Variants in FAR1 observed in about 807,000 individuals in gnomAD.
The protein encoded by FAR1 is male sterility domain-containing protein 2.
A neutral mutation model predicts 61.1 loss-of-function variants in FAR1; 22 were observed. The ratio of observed to expected loss-of-function variants is 0.36; its 90% CI spans 0.26 to 0.51. The LOEUF is 0.51. Ranked by LOEUF, FAR1 falls within the 20% of genes least tolerant of loss-of-function variation. The pLI is 0.95. For missense variants in FAR1, 359 were observed against 626.9 expected (o/e 0.57, Z 4.56); for synonymous variants, 206 against 209.7 (o/e 0.98, Z 0.15).
At chr11:13,726,412 T>C (rs533107922) in intron 10 of FAR1, among the ~76,000 whole-genome samples, 2 of 152,124 alleles carry the variant, frequency 1.3e-5, no homozygotes, top group Non-Finnish European at 2.9e-5. Flanking sequence ...TCTGGAAATA[T>C]CTTTATTTCA....
chr11:13,707,000 A>G (rs1848439405), intron 3 of FAR1, among the ~76,000 whole-genome samples: 2 of 152,162 alleles, frequency 1.3e-5, no homozygotes, highest in Non-Finnish European at 2.9e-5. Context: ...CCTTGTTTTT[A>G]ATCCTGCTTC....
chr11:13,698,377 A>T (rs1289386215), intron 2 of FAR1, among the ~76,000 whole-genome samples: 1 of 152,204 alleles, frequency 6.6e-6, no homozygotes, highest in Non-Finnish European at 1.5e-5. Flanking sequence ...AGCCAAAATG[A>T]CTACATCCTG....
At chr11:13,702,916 T>A (rs1848392412) in intron 3 of FAR1, among the ~76,000 whole-genome samples, 1 of 152,240 alleles carries the variant, frequency 6.6e-6, no homozygotes, top group Non-Finnish European at 1.5e-5. Context: ...AAAGGACATC[T>A]TCTCGTTATT....
chr11:13,718,836 G>C (rs1303173775), intron 9 of FAR1, among the ~76,000 whole-genome samples: 1 of 152,086 alleles, frequency 6.6e-6, no homozygotes, highest in East Asian at 1.9e-4. Context: ...GGGGGGAAGG[G>C]GACAGAGTAG....
chr11:13,686,360 ACTT>A (rs1396299581), intron 1 of FAR1, among the ~76,000 whole-genome samples: 8 of 152,074 alleles, frequency 5.3e-5, no homozygotes, highest in Admixed American at 6.6e-5. Flanking sequence ...CGCATACCCC[ACTT>A]CTTATATATT....
At chr11:13,690,450 A>G (rs1431348203) in intron 1 of FAR1, among the ~76,000 whole-genome samples, 1 of 152,196 alleles carries the variant, frequency 6.6e-6, no homozygotes, top group Non-Finnish European at 1.5e-5. Flanking sequence ...TGACTGCATG[A>G]AAGTCATGGA....
At position 13,698,550 on chromosome 11, in the gene FAR1, G is replaced by A. The variant is rs574926992; in HGVS notation, c.190-1767G>A. ...TCTCTGCTTAAAATCTGTCAATAGC[G>A]ACCGGGCTGGTGGCTCACGCCTATA... On this transcript the variant is annotated intron_variant, in intron 2 of 11. Transcript: ENST00000354817. Among the ~76,000 whole-genome samples, 7 of 152,244 alleles carry A rather than the reference G, an allele frequency of 4.6e-5. No individual in the cohort carries two copies. In the East Asian group the frequency reaches 1.2e-3, roughly 25 times the overall value.
chr11:13,678,308 A>G (rs915786949), intron 1 of FAR1, among the ~76,000 whole-genome samples: 18 of 152,160 alleles, frequency 1.2e-4, no homozygotes, highest in Admixed American at 6.6e-5. Flanking sequence ...TGTGTCGCCC[A>G]GGAGGGAGTG....
At position 13,730,030 on chromosome 11, in the gene FAR1, C is replaced by T. The variant is rs899032584; in HGVS notation, c.*1256C>T. ...AAAATTGATGTATATTTTAATGATA[C>T]ATTAAAATTCCCTTTTAATCATAAT... is the stretch of plus-strand genomic sequence containing the variant. On this transcript the variant is annotated 3_prime_UTR_variant, in exon 12 of 12. Coordinates refer to ENST00000354817, the MANE Select transcript of FAR1 (RefSeq NM_032228.6). 6.6e-6 allele frequency: 1 copy of T among 152,346 alleles called. No individual in the cohort carries two copies. The highest frequency in any genetic ancestry group is 2.4e-5 in the African/African-American group (1 of 41,426). The allele number at this position is 152,346 out of a possible 1,614,324, so 9.4% of individuals were successfully genotyped here. A position where few individuals can be genotyped will look rare whatever the true frequency, so the allele number is the denominator to read the frequency against.
At chr11:13,708,445 G>GCACACACACACA (rs1208535632) in intron 4 of FAR1, among the ~76,000 whole-genome samples, 3 of 81,194 alleles carry the variant, frequency 3.7e-5, no homozygotes, top group African/African-American at 8.5e-5. Flanking sequence ...GCGCGCGCGC[G>GCACACACACACA]CGCACACACA....
At chr11:13,675,053 CTTT>C (rs10649288) in intron 1 of FAR1, among the ~76,000 whole-genome samples, 5 of 144,166 alleles carry the variant, frequency 3.5e-5, no homozygotes, top group South Asian at 2.2e-4. Context: ...AATCCCTAGA[CTTT>C]TTTTTTTTTT....
chr11:13,692,767 ATAT>A (rs1848264483), intron 1 of FAR1, among the ~76,000 whole-genome samples: 1 of 152,034 alleles, frequency 6.6e-6, no homozygotes, highest in Non-Finnish European at 1.5e-5. Flanking sequence ...AAATGCTTTC[ATAT>A]TATTTGTTTC....
At chr11:13,691,004 T>G (rs898800247) in intron 1 of FAR1, among the ~76,000 whole-genome samples, 1 of 152,234 alleles carries the variant, frequency 6.6e-6, no homozygotes, top group African/African-American at 2.4e-5. Context: ...AAATAACCAT[T>G]TGTGTCTGTT....
intron 9 of FAR1, among the ~76,000 whole-genome samples, chr11:13,719,487 T>C (rs970507578): frequency 1.3e-5 from 2 of 152,248 alleles, no homozygotes; most frequent in African/African-American, 4.8e-5. Context: ...ATGTCAGTCA[T>C]GTCATTCATT....
rs1292673794 is a variant in FAR1 at position 13,729,305 on chromosome 11, G to A, written c.*531G>A. 3.9e-5 allele frequency: 6 copies of A among 151,952 alleles called. No homozygotes were observed. The highest frequency in any genetic ancestry group is 1.5e-4 in the African/African-American group (6 of 41,366). 9.4% of individuals were successfully genotyped at this position (151,952 alleles called of 1,614,324 possible). ...TTTCACATCATTCTGTAAGTTAAAT[G>A]ATATCAAACATGAAAGAGATGTTCT... On this transcript the variant is annotated 3_prime_UTR_variant, in exon 12 of 12. Transcript: ENST00000354817.
At chr11:13,697,833 A>G (rs974701947) in intron 2 of FAR1, among the ~76,000 whole-genome samples, 2 of 152,120 alleles carry the variant, frequency 1.3e-5, no homozygotes, top group African/African-American at 2.4e-5. Flanking sequence ...ATAAGGATTG[A>G]TATTCTTCAA....
intron 1 of FAR1, among the ~76,000 whole-genome samples, chr11:13,674,449 C>T (rs1174087153): frequency 1.3e-5 from 2 of 152,268 alleles, no homozygotes; most frequent in South Asian, 2.1e-4. Flanking sequence ...TTAGTTTCCT[C>T]ATCTGTAAAA....
At chr11:13,723,209 G>GA (rs1848630992) in intron 10 of FAR1, among the ~76,000 whole-genome samples, 1 of 151,712 alleles carries the variant, frequency 6.6e-6, no homozygotes, top group African/African-American at 2.4e-5. Context: ...ACAAAAATAA[G>GA]AAAAAATCAG....
At chr11:13,725,588 A>G (rs1368893843) in intron 10 of FAR1, among the ~76,000 whole-genome samples, 1 of 152,186 alleles carries the variant, frequency 6.6e-6, no homozygotes, top group African/African-American at 2.4e-5. Context: ...ATTATTTACT[A>G]TTTATCAAAT....
Sources: gnomAD v4.1 joint callset for allele counts (sites outside exome capture counted in the v4.1 genomes callset) on GRCh38, gnomAD v4.1.1 for gene constraint, MANE v1.5 for transcripts, NCBI Gene and HGNC (gene_info 2026-07-23, HGNC 2026-07-21) for gene names.